Variants in MBOAT2 observed in about 807,000 individuals in gnomAD.
The protein encoded by MBOAT2 is membrane-bound glycerophospholipid O-acyltransferase 2.
Under a neutral mutation model 63.4 loss-of-function variants are expected in MBOAT2, and 28 were observed. The observed-to-expected ratio is 0.44, with a 90% CI of 0.33 to 0.61. The LOEUF (loss-of-function observed/expected upper bound fraction) is 0.61. Ranked by LOEUF, MBOAT2 falls within the 20% of genes least tolerant of loss-of-function variation. MBOAT2 has a pLI of 0.03. For synonymous variants in MBOAT2, 211 were observed against 215.6 expected, an observed-to-expected ratio of 0.98 and a Z score of 0.19; for missense variants, 470 against 605.8, an observed-to-expected ratio of 0.78 and a Z score of 2.35.
intron 8 of MBOAT2, among the ~76,000 whole-genome samples, chr2:8,872,227 A>T (rs1044752148): frequency 6.6e-6 from 1 of 152,114 alleles, no homozygotes; most frequent in Non-Finnish European, 1.5e-5. Flanking sequence ...GCCATTTTCC[A>T]CTTGCTGAAA....
At chr2:8,955,720 G>A (rs1377391431) in intron 2 of MBOAT2, among the ~76,000 whole-genome samples, 1 of 152,184 alleles carries the variant, frequency 6.6e-6, no homozygotes, top group Non-Finnish European at 1.5e-5. Context: ...GTGGGTAAAA[G>A]GCTGTCAAAC....
chr2:8,868,539 A>G lies in MBOAT2; in HGVS notation c.894T>C (p.Ile298=), dbSNP rs778277533. The change falls in exon 9 of 13, where the codon ATT becomes ATC. Residue 298 remains isoleucine, a synonymous_variant. Transcript: ENST00000305997. ...YYFAWTLADA[I]NNAAGFGFRG... ...TGAAACCAAAGCCTGCAGCATTATTAATGGCATCAGCTATAGAAAACAACA... is the reference window on the plus strand; with the variant it reads ...TGAAACCAAAGCCTGCAGCATTATTGATGGCATCAGCTATAGAAAACAACA... The G allele has an allele frequency of 6.2e-7, 1 of 1,613,410 alleles. No individual in the cohort carries two copies. The highest frequency in any genetic ancestry group is 1.1e-5 in the South Asian group (1 of 90,924).
intron 1 of MBOAT2, among the ~76,000 whole-genome samples, chr2:8,974,061 C>G (rs1270502532): frequency 6.6e-6 from 1 of 152,108 alleles, no homozygotes; most frequent in Non-Finnish European, 1.5e-5. Flanking sequence ...AGCCCTGTAC[C>G]AAGTACCAAG....
chr2:8,898,326 T>G (rs191355582), intron 4 of MBOAT2, among the ~76,000 whole-genome samples: 1 of 152,124 alleles, frequency 6.6e-6, no homozygotes, highest in Non-Finnish European at 1.5e-5. Flanking sequence ...TCTTGCTGTA[T>G]CCGGGGATCC....
intron 2 of MBOAT2, among the ~76,000 whole-genome samples, chr2:8,954,688 C>A (rs1346412663): frequency 6.6e-5 from 10 of 152,160 alleles, no homozygotes; most frequent in Non-Finnish European, 1.2e-4. Context: ...TCCAGGAAGA[C>A]TGGGGTGGCT....
intron 3 of MBOAT2, among the ~76,000 whole-genome samples, chr2:8,937,979 CT>C (rs1426884492): frequency 6.6e-6 from 1 of 152,136 alleles, no homozygotes; most frequent in Non-Finnish European, 1.5e-5. Context: ...CACCACGGTG[CT>C]GAATTTCTAT....
At chr2:8,904,649 T>A (rs1015390881) in intron 4 of MBOAT2, among the ~76,000 whole-genome samples, 3 of 152,146 alleles carry the variant, frequency 2.0e-5, no homozygotes, top group African/African-American at 7.2e-5. Flanking sequence ...ACAGTCTGAT[T>A]TTTTTTTCCA....
chr2:8,907,271 G>C (rs1273741869), intron 4 of MBOAT2, among the ~76,000 whole-genome samples: 1 of 152,058 alleles, frequency 6.6e-6, no homozygotes, highest in Non-Finnish European at 1.5e-5. Flanking sequence ...TTTTCTCACT[G>C]TATTTTCAAC....
chr2:8,856,983 T>C lies in MBOAT2; in HGVS notation c.*1696A>G, dbSNP rs1661133145. 6.6e-6 allele frequency: 1 copy of C among 152,556 alleles called. No individual in the cohort carries two copies. The highest frequency in any genetic ancestry group is 2.4e-5 in the African/African-American group (1 of 41,456). The allele number at this position is 152,556 out of a possible 1,614,324, so 9.5% of individuals were successfully genotyped here. A position where few individuals can be genotyped will look rare whatever the true frequency, so the allele number is the denominator to read the frequency against. On this transcript the variant is annotated 3_prime_UTR_variant, in exon 13 of 13. Transcript: ENST00000305997. This position sits in a 1 kb window ranked among gnomAD's most constrained non-coding sequence, Gnocchi z 4.2. ...AAATAAAAATAGATTAGGATATTTC[T>C]AAACTTCAAAAAAGACACATGCCCA...
chr2:8,967,045 T>A (rs1670044545), intron 1 of MBOAT2, among the ~76,000 whole-genome samples: 1 of 152,166 alleles, frequency 6.6e-6, no homozygotes, highest in South Asian at 2.1e-4. Context: ...GAAGAATCCA[T>A]ACATCTCAAG....
intron 1 of MBOAT2, among the ~76,000 whole-genome samples, chr2:8,994,965 G>C (rs948563706): frequency 1.3e-5 from 2 of 152,236 alleles, no homozygotes; most frequent in Non-Finnish European, 2.9e-5. Flanking sequence ...AGAAAGCCAG[G>C]ATTTAAATTC....
intron 1 of MBOAT2, among the ~76,000 whole-genome samples, chr2:8,994,493 C>A (rs907218470): frequency 6.6e-6 from 1 of 152,210 alleles, no homozygotes; most frequent in African/African-American, 2.4e-5. Context: ...TGTACAGAAA[C>A]AGGACAGGCT....
chr2:8,915,969 A>C (rs1195407486), intron 3 of MBOAT2, among the ~76,000 whole-genome samples: 4 of 152,012 alleles, frequency 2.6e-5, no homozygotes, highest in Non-Finnish European at 5.9e-5. Flanking sequence ...CTTGCAACTG[A>C]CTGGTTTATG....
At chr2:8,993,781 C>CACCA (rs1490252184) in intron 1 of MBOAT2, among the ~76,000 whole-genome samples, 1 of 152,174 alleles carries the variant, frequency 6.6e-6, no homozygotes, top group East Asian at 1.9e-4. Context: ...GTGTCTTGTT[C>CACCA]ACCACCTGGC....
At chr2:9,000,289 A>T (rs1374233682) in intron 1 of MBOAT2, among the ~76,000 whole-genome samples, 1 of 152,228 alleles carries the variant, frequency 6.6e-6, no homozygotes, top group East Asian at 1.9e-4. Flanking sequence ...TGTGATTATA[A>T]CAAATTCATA....
intron 1 of MBOAT2, among the ~76,000 whole-genome samples, chr2:8,970,263 A>T (rs1573206016): frequency 6.6e-6 from 1 of 152,240 alleles, no homozygotes; most frequent in East Asian, 1.9e-4. Context: ...CCTGCTCCTG[A>T]ATGATTACTG....
intron 1 of MBOAT2, among the ~76,000 whole-genome samples, chr2:8,984,310 TC>T (rs1211710749): frequency 6.6e-6 from 1 of 152,172 alleles, no homozygotes; most frequent in African/African-American, 2.4e-5. Context: ...GTTCTGGGGA[TC>T]TACTGCTCAA....
At chr2:8,938,672 CGT>C (rs918222752) in intron 3 of MBOAT2, among the ~76,000 whole-genome samples, 17 of 151,368 alleles carry the variant, frequency 1.1e-4, no homozygotes, top group African/African-American at 4.1e-4. Flanking sequence ...CATTTCATGC[CGT>C]GTCTCATGCC....
rs1158898983 is a variant in MBOAT2, at chr2:9,003,424, G to T, written c.75+116C>A. 8 of 498,016 alleles carry T rather than the reference G, an allele frequency of 1.6e-5. No individual in the cohort carries two copies. The East Asian group carries it at 3.5e-4, about 22-fold the overall frequency. The allele number at this position is 498,016 out of a possible 1,614,324, so 30.8% of individuals were successfully genotyped here. ...CCTTCCAGGGAGCGGCGGGTAGGGGGGCACCGGGCGCCCGGCCCCAGCCCC... is the reference window on the plus strand; with the variant it reads ...CCTTCCAGGGAGCGGCGGGTAGGGGTGCACCGGGCGCCCGGCCCCAGCCCC... On this transcript the variant is annotated intron_variant, in intron 1 of 12. Coordinates refer to ENST00000305997, the MANE Select transcript of MBOAT2 (RefSeq NM_138799.4). The surrounding 1 kb of genome is among the most constrained non-coding windows in gnomAD (Gnocchi z 5.4).
Sources: gnomAD v4.1 joint callset for allele counts (sites outside exome capture counted in the v4.1 genomes callset) on GRCh38, gnomAD v4.1.1 for gene constraint, Gnocchi (gnomAD v3.1) non-coding constraint, MANE v1.5 for transcripts, NCBI Gene and HGNC (gene_info 2026-07-23, HGNC 2026-07-21) for gene names.